Variants in SH2D3C observed in about 807,000 individuals in gnomAD.
The protein encoded by SH2D3C is SH2 domain-containing protein 3C.
A neutral mutation model predicts 75.2 loss-of-function variants in SH2D3C; 25 were observed. The ratio of observed to expected loss-of-function variants is 0.33; its 90% CI spans 0.24 to 0.46. The LOEUF (loss-of-function observed/expected upper bound fraction) is 0.46. SH2D3C is among the 20% of genes least tolerant of loss of function. SH2D3C has a pLI of 1.00. For missense variants in SH2D3C, 933 were observed against 1,165.3 expected (o/e 0.80, Z 2.90); for synonymous variants, 450 against 473.7 (o/e 0.95, Z 0.65).
At position 127,754,583 on chromosome 9, in the gene SH2D3C, C is replaced by T. The variant is rs1845303621; in HGVS notation, c.556-3283G>A. 1.3e-5 allele frequency among the ~76,000 whole-genome samples: 2 copies of T among 152,172 alleles called. No homozygotes were observed. Among genetic ancestry groups the T allele is most frequent in the South Asian group, 4.1e-4 (2 of 4,838 alleles). ...ACCCGCGCCCCAGGCATGTCCAAGCCCACCTAGAGGGCGGGAGGGTGGCGG... is the reference window on the plus strand; with the variant it reads ...ACCCGCGCCCCAGGCATGTCCAAGCTCACCTAGAGGGCGGGAGGGTGGCGG... On this transcript the variant is annotated intron_variant, in intron 3 of 11. Coordinates refer to ENST00000314830, the MANE Select transcript of SH2D3C (RefSeq NM_170600.3). The surrounding 1 kb of genome is among the most constrained non-coding windows in gnomAD (Gnocchi z 4.4).
chr9:127,750,152 ATTATTG>A (rs963881111), intron 4 of SH2D3C, among the ~76,000 whole-genome samples: 2 of 147,382 alleles, frequency 1.4e-5, no homozygotes, highest in African/African-American at 5.2e-5. Context: ...TATTATTATT[ATTATTG>A]TTATTATTAT....
At chr9:127,763,453 A>T (rs1197210746) in intron 2 of SH2D3C, among the ~76,000 whole-genome samples, 2 of 152,166 alleles carry the variant, frequency 1.3e-5, no homozygotes, top group Non-Finnish European at 2.9e-5. Context: ...CGTGGCAGTG[A>T]ACGCCTGTAA....
chr9:127,749,235 G>A lies in SH2D3C; in HGVS notation c.1115C>T (p.Thr372Ile). 1 of 1,569,850 alleles carries A rather than the reference G, an allele frequency of 6.4e-7. No individual in the cohort carries two copies. Among genetic ancestry groups the A allele is most frequent in the African/African-American group, 1.3e-5 (1 of 74,330 alleles). The change falls in exon 5 of 12, where the codon ACC (threonine) becomes ATC (isoleucine). Residue 372 changes from threonine to isoleucine, a missense_variant. Thr to Ile is a moderately conservative substitution (Grantham distance 89, BLOSUM62 -1). Transcript: ENST00000314830. This position sits in a 1 kb window ranked among gnomAD's most constrained non-coding sequence, Gnocchi z 5.9. The part of the protein sequence containing the change: ...MTDGLTADKV[T>I]RSDGCPTSTS... ...CCTGGTGGGGCAGCCATCGCTGCGG[G>A]TGACCTTGTCAGCAGTGAGCCCATC...
intron 4 of SH2D3C, among the ~76,000 whole-genome samples, chr9:127,750,587 G>A (rs1410195800): frequency 2.6e-5 from 4 of 152,196 alleles, no homozygotes; most frequent in Non-Finnish European, 5.9e-5. Context: ...CATCCTGCCT[G>A]TCAGTCCCCC....
intron 9 of SH2D3C, among the ~76,000 whole-genome samples, chr9:127,741,039 T>C (rs1197160513): frequency 1.3e-5 from 2 of 152,120 alleles, no homozygotes; most frequent in South Asian, 4.1e-4. Flanking sequence ...CCAGACCTGG[T>C]TCAAGTCCTA....
intron 3 of SH2D3C, among the ~76,000 whole-genome samples, chr9:127,752,030 C>T (rs1845216900): frequency 6.6e-6 from 1 of 152,134 alleles, no homozygotes; most frequent in African/African-American, 2.4e-5. Flanking sequence ...GATGGGGAGA[C>T]CATGGCCCAG....
chr9:127,771,308 G>A (rs994025386), intron 2 of SH2D3C: 6 of 1,476,300 alleles, frequency 4.1e-6, no homozygotes, highest in African/African-American at 1.4e-5. Flanking sequence ...CCACTGAGCT[G>A]CAGAGCTCAG....
intron 1 of SH2D3C, 143 bp downstream of exon 1, chr9:127,778,448 G>C: frequency 1.4e-6 from 1 of 718,040 alleles, no homozygotes; most frequent in Non-Finnish European, 2.5e-6. Flanking sequence ...AGAGACGCTG[G>C]TGTCCAAAAG....
intron 2 of SH2D3C, among the ~76,000 whole-genome samples, chr9:127,762,843 A>G (rs905159035): frequency 6.6e-6 from 1 of 152,300 alleles, no homozygotes; most frequent in East Asian, 1.9e-4. Context: ...ACTCCTCTCC[A>G]TGGCCATGCA....
Position 127,751,443 on chromosome 9 carries a change from G to T in SH2D3C, c.556-143C>A. 1.3e-6 allele frequency: 1 copy of T among 776,344 alleles called. No individual in the cohort carries two copies. Among genetic ancestry groups the T allele is most frequent in the Non-Finnish European group, 2.1e-6 (1 of 471,900 alleles). 48.1% of individuals were successfully genotyped at this position (776,344 alleles called of 1,614,324 possible). ...CACAGGTGCCAGACCCTTTCCCATG[G>T]GTCCCAGAAAGAGTAAAGAAATCTC... On this transcript the variant is annotated intron_variant, in intron 3 of 11. Coordinates refer to ENST00000314830, the MANE Select transcript of SH2D3C (RefSeq NM_170600.3). This position sits in a 1 kb window ranked among gnomAD's most constrained non-coding sequence, Gnocchi z 4.1.
intron 2 of SH2D3C, chr9:127,766,919 G>A (rs901794129): frequency 3.7e-5 from 57 of 1,531,896 alleles, no homozygotes; most frequent in Middle Eastern, 1.7e-4. Flanking sequence ...GAGAAGCAAC[G>A]GGCACCTGCC....
At chr9:127,771,458 C>A (rs1449238000) in intron 2 of SH2D3C, 3 of 1,083,122 alleles carry the variant, frequency 2.8e-6, no homozygotes, top group East Asian at 3.2e-5. Flanking sequence ...CCTCCGCCTG[C>A]GGTCTCGCTC....
At chr9:127,748,800 T>C (rs2131751713) in intron 5 of SH2D3C, among the ~76,000 whole-genome samples, 1 of 152,350 alleles carries the variant, frequency 6.6e-6, no homozygotes, top group South Asian at 2.1e-4. Context: ...TAAAGCCCTC[T>C]GCTCAGATGC....
rs1845118088 is a variant in SH2D3C at position 127,749,134 on chromosome 9, G to A, written c.1139+77C>T. ...AGGAGAGTAATTTCATCCCATTTCA[G>A]TGTACCTAGGCCTTCTCTTTCTCAC... On this transcript the variant is annotated intron_variant, in intron 5 of 11. Transcript: ENST00000314830. The surrounding 1 kb of genome is among the most constrained non-coding windows in gnomAD (Gnocchi z 5.9). 5.7e-6 allele frequency: 6 copies of A among 1,061,730 alleles called. No homozygotes were observed. The Admixed American group carries it at 1.4e-4, about 24-fold the overall frequency. 65.8% of individuals were successfully genotyped at this position (1,061,730 alleles called of 1,614,324 possible).
At chr9:127,743,134 A>C (rs749485602) in intron 7 of SH2D3C, among the ~76,000 whole-genome samples, 170 bp from the exon 8 acceptor site, 3 of 152,224 alleles carry the variant, frequency 2.0e-5, no homozygotes, top group Non-Finnish European at 2.9e-5. Context: ...TGCCTTTCTC[A>C]GCGAGCCTCA....
At chr9:127,765,829 A>G (rs1845622838) in intron 2 of SH2D3C, among the ~76,000 whole-genome samples, 1 of 152,224 alleles carries the variant, frequency 6.6e-6, no homozygotes, top group Admixed American at 6.5e-5. Flanking sequence ...AACCTAAAAG[A>G]GACTTCTCCT....
intron 5 of SH2D3C, 75 bp from the exon 6 acceptor site, chr9:127,747,346 T>G: frequency 7.1e-7 from 1 of 1,411,172 alleles, no homozygotes; most frequent in Admixed American, 2.2e-5. Flanking sequence ...ACCCCCCACC[T>G]CTGCACCTTG....
At position 127,774,185 on chromosome 9, in the gene SH2D3C, A is replaced by G; in HGVS notation, c.320T>C (p.Val107Ala). 6.2e-7 allele frequency: 1 copy of G among 1,613,934 alleles called. No homozygotes were observed. The highest frequency in any genetic ancestry group is 8.5e-7 in the Non-Finnish European group (1 of 1,179,942). ...TGGGGGGTCGGGTACACCTCCGGGT[A>G]CCAAGTTGGGCTTGGGACCCGCCTC... ...AQEAGPKPNLVPGGVPDPPGL... is the reference protein window; with the variant it reads ...AQEAGPKPNLAPGGVPDPPGL... Residue 107 changes from valine to alanine, a missense_variant, in exon 2 of 12, where the codon GTA (valine) becomes GCA (alanine). Val to Ala is a moderately conservative substitution (Grantham distance 64, BLOSUM62 0). Transcript: ENST00000314830. This position sits in a 1 kb window ranked among gnomAD's most constrained non-coding sequence, Gnocchi z 4.3.
intron 2 of SH2D3C, chr9:127,771,193 A>C: frequency 6.5e-7 from 1 of 1,542,972 alleles, no homozygotes; most frequent in Non-Finnish European, 8.7e-7. Context: ...CACCCTCGGG[A>C]CCCCAGCGCG....
Sources: allele counts gnomAD v4.1 joint callset (sites outside exome capture counted in the v4.1 genomes callset), GRCh38; gene constraint gnomAD v4.1.1; non-coding constraint Gnocchi (gnomAD v3.1); transcripts MANE v1.5; gene names NCBI Gene and HGNC (gene_info 2026-07-23, HGNC 2026-07-21).